The following ZNF532 variants were observed in gnomAD, a reference collection of about 807,000 sequenced individuals.
The protein encoded by ZNF532 is zinc finger protein 532.
Under a neutral mutation model 89.3 loss-of-function variants are expected in ZNF532, and 22 were observed. The observed-to-expected ratio is 0.25, with a 90% CI of 0.18 to 0.35. The LOEUF (loss-of-function observed/expected upper bound fraction) is 0.35, where lower values mean the gene tolerates loss of function less well. Among genes scored for constraint, ZNF532 ranks in the 10% least tolerant of loss-of-function variants. ZNF532 has a pLI of 1.00. For synonymous variants in ZNF532, 606 were observed against 649.6 expected (o/e 0.93, Z 1.02); for missense variants, 1,132 against 1,643.4 (o/e 0.69, Z 5.38).
chr18:58,941,624 A>G (rs973134165), intron 5 of ZNF532, among the ~76,000 whole-genome samples: 1 of 151,534 alleles, frequency 6.6e-6, no homozygotes, highest in Non-Finnish European at 1.5e-5. Flanking sequence ...GCATACCACC[A>G]CGCCTGGCTG....
chr18:58,920,933 G>A (rs2061023498), intron 3 of ZNF532, among the ~76,000 whole-genome samples: 2 of 152,006 alleles, frequency 1.3e-5, no homozygotes, highest in Admixed American at 6.6e-5. Flanking sequence ...TGGCAGTGGT[G>A]GTTGTGGTTG....
intron 2 of ZNF532, among the ~76,000 whole-genome samples, chr18:58,867,176 G>A (rs1158672512): frequency 2.0e-5 from 3 of 152,012 alleles, no homozygotes; most frequent in Non-Finnish European, 4.4e-5. Flanking sequence ...AGTGATTTTT[G>A]TTTAACTTTG....
chr18:58,929,458 C>G (rs2061777232), intron 3 of ZNF532, among the ~76,000 whole-genome samples: 2 of 152,178 alleles, frequency 1.3e-5, no homozygotes, highest in Non-Finnish European at 2.9e-5. Flanking sequence ...TGAATTCCTC[C>G]CCTCCGCCGT....
chr18:58,951,643 G>GTTTT (rs1229500489), intron 6 of ZNF532, among the ~76,000 whole-genome samples: 1 of 23,324 alleles, frequency 4.3e-5, no homozygotes, highest in Non-Finnish European at 6.9e-5. Context: ...CCCTCGCCCT[G>GTTTT]TTGTTTTTTT....
intron 5 of ZNF532, chr18:58,939,856 G>A (rs533635309): frequency 3.0e-4 from 103 of 343,090 alleles, no homozygotes; most frequent in African/African-American, 2.1e-3. Flanking sequence ...ACGAATTTTT[G>A]CTCAACAAGT....
At chr18:58,895,763 G>T (rs575323340) in intron 2 of ZNF532, among the ~76,000 whole-genome samples, 49 of 152,152 alleles carry the variant, frequency 3.2e-4, no homozygotes, top group African/African-American at 1.2e-3. Flanking sequence ...CCTGTTGCTG[G>T]TATTTATCAG....
chr18:58,969,154 C>CT (rs1352556964), intron 7 of ZNF532, among the ~76,000 whole-genome samples: 1 of 152,278 alleles, frequency 6.6e-6, no homozygotes. Flanking sequence ...TTGCAGAGCA[C>CT]TTTAGCTCTT....
chr18:58,873,598 G>A (rs112957150), intron 2 of ZNF532, among the ~76,000 whole-genome samples: 14,290 of 152,040 alleles, frequency 0.094, 670 homozygotes, highest in Middle Eastern at 0.17. Flanking sequence ...AAAGGCGCCT[G>A]CCACCATGCC....
At chr18:58,865,761 G>A (rs2056397055) in intron 2 of ZNF532, among the ~76,000 whole-genome samples, 182 bp downstream of exon 2, 2 of 152,198 alleles carry the variant, frequency 1.3e-5, no homozygotes, top group Non-Finnish European at 1.5e-5. Context: ...CGATCAAGGC[G>A]AAATCTGAAT....
intron 2 of ZNF532, among the ~76,000 whole-genome samples, chr18:58,905,745 A>G (rs1237443582): frequency 3.9e-5 from 6 of 152,190 alleles, no homozygotes; most frequent in Non-Finnish European, 7.4e-5. Flanking sequence ...ACCAACAACT[A>G]AAGTCTGTGC....
At chr18:58,969,506 A>G (rs906710029) in intron 7 of ZNF532, among the ~76,000 whole-genome samples, 7 of 152,032 alleles carry the variant, frequency 4.6e-5, no homozygotes, top group African/African-American at 1.7e-4. Context: ...TTCCTGGGAC[A>G]CTCTAAGGGG....
intron 2 of ZNF532, among the ~76,000 whole-genome samples, chr18:58,888,841 T>A (rs1167317914): frequency 3.9e-4 from 15 of 38,828 alleles, no homozygotes; most frequent in African/African-American, 1.0e-3. Flanking sequence ...TATATATAAT[T>A]TATATATATA....
At chr18:58,981,726 A>G in intron 9 of ZNF532, 109 bp downstream of exon 9, 1 of 1,455,320 alleles carries the variant, frequency 6.9e-7, no homozygotes, top group South Asian at 1.3e-5. Flanking sequence ...TTAAAAATTC[A>G]GACTGGCTGG....
chr18:58,888,266 A>C (rs1425017506), intron 2 of ZNF532, among the ~76,000 whole-genome samples: 1 of 152,220 alleles, frequency 6.6e-6, no homozygotes, highest in African/African-American at 2.4e-5. Flanking sequence ...AATCAGTCAA[A>C]TATTAAATCC....
intron 2 of ZNF532, among the ~76,000 whole-genome samples, chr18:58,894,144 A>C (rs892868069): frequency 7.9e-5 from 12 of 152,286 alleles, no homozygotes; most frequent in African/African-American, 2.6e-4. Context: ...AGGAGCATAA[A>C]TATATGATTT....
intron 6 of ZNF532, chr18:58,953,035 T>G (rs1394673592): frequency 6.5e-6 from 1 of 154,272 alleles, no homozygotes; most frequent in East Asian, 1.9e-4. Context: ...GTGAAAGGCA[T>G]GAAGAGAAAA....
chr18:58,946,400 C>T lies in ZNF532; in HGVS notation c.2706-1667C>T, dbSNP rs1357181163. Among the ~76,000 whole-genome samples, 8 of 149,510 alleles carry T rather than the reference C, an allele frequency of 5.4e-5. No homozygotes were observed. The East Asian group carries it at 1.6e-3, about 30-fold the overall frequency. On this transcript the variant is annotated intron_variant, in intron 5 of 9. Transcript: ENST00000591808. ...CTCTGCCTCCTGGGCCCAAGCGATT[C>T]TTGTGCCTCAGCCACCTGTAGCTCC...
chr18:58,941,994 T>TTCCTTC (rs1568380244), intron 5 of ZNF532, among the ~76,000 whole-genome samples: 2 of 105,704 alleles, frequency 1.9e-5, no homozygotes, highest in Non-Finnish European at 4.2e-5. Context: ...CTCCTTCCCT[T>TTCCTTC]CCTTCCTTCC....
intron 5 of ZNF532, among the ~76,000 whole-genome samples, chr18:58,940,746 C>G (rs1188540841): frequency 6.6e-6 from 1 of 152,138 alleles, no homozygotes; most frequent in East Asian, 1.9e-4. Context: ...CTTGTGCACA[C>G]AGCACTGGAT....
Sources: allele counts gnomAD v4.1 joint callset (sites outside exome capture counted in the v4.1 genomes callset), GRCh38; gene constraint gnomAD v4.1.1; transcripts MANE v1.5; gene names NCBI Gene and HGNC (gene_info 2026-07-23, HGNC 2026-07-21).